ZNF652: variants seen among roughly 807,000 people sequenced by gnomAD.
ZNF652 encodes the protein zinc finger protein 652.
ZNF652 carries 16 observed loss-of-function variants against 45.2 expected under a neutral mutation model. The observed-to-expected ratio is 0.35, with a 90% CI of 0.24 to 0.54. The LOEUF is 0.54. Ranked by LOEUF, ZNF652 falls within the 20% of genes least tolerant of loss-of-function variation. ZNF652 has a pLI of 0.91. For synonymous variants in ZNF652, 250 were observed against 260.6 expected (o/e 0.96, Z 0.39); for missense variants, 614 against 765.6 (o/e 0.80, Z 2.34).
Position 49,312,550 on chromosome 17 carries a change from G to T in ZNF652, c.1048+148C>A, listed in dbSNP as rs769409954. ...GTGGAAGACTATACCATCCAATTTGGTGATACTTACTGAAGACATAATGCA... is the reference window on the plus strand; with the variant it reads ...GTGGAAGACTATACCATCCAATTTGTTGATACTTACTGAAGACATAATGCA... On this transcript the variant is annotated intron_variant, in intron 3 of 5. Coordinates refer to ENST00000430262, the MANE Select transcript of ZNF652 (RefSeq NM_001145365.3). 7.1e-5 allele frequency: 55 copies of T among 771,072 alleles called. No individual in the cohort carries two copies. In the Middle Eastern group the frequency reaches 1.2e-3, roughly 16 times the overall value. The allele number at this position is 771,072 out of a possible 1,614,324, so 47.8% of individuals were successfully genotyped here. A position where few individuals can be genotyped will look rare whatever the true frequency, so the allele number is the denominator to read the frequency against.
chr17:49,312,911 G>T, intron 2 of ZNF652, 66 bp from the exon 3 acceptor site: 1 of 1,515,840 alleles, frequency 6.6e-7, no homozygotes, highest in South Asian at 1.2e-5. Flanking sequence ...CCTACTGGCA[G>T]ACCAAACGGA....
rs1428335027 is a variant in ZNF652, at chr17:49,293,945, G to A, written c.*4468C>T. On this transcript the variant is annotated 3_prime_UTR_variant, in exon 6 of 6. Transcript: ENST00000430262. Reference sequence around the variant, plus strand: ...TTCTATACAGTAGCTCAAACAGAAAGGTTTCTCTAACTTTAGTTTTTTAGT... The same window carrying A: ...TTCTATACAGTAGCTCAAACAGAAAAGTTTCTCTAACTTTAGTTTTTTAGT... Among the ~76,000 whole-genome samples the A allele has an allele frequency of 6.6e-6, 1 of 151,948 alleles. No homozygotes were observed. The highest frequency in any genetic ancestry group is 1.9e-4 in the East Asian group (1 of 5,198).
At position 49,315,042 on chromosome 17, in the gene ZNF652, G is replaced by GTT. The variant is rs11342868; in HGVS notation, c.900+1782_900+1783dup. 2.3e-3 allele frequency among the ~76,000 whole-genome samples: 304 copies of GTT among 134,210 alleles called. 2 individuals are homozygous for GTT. Among genetic ancestry groups the GTT allele is most frequent in the African/African-American group, 7.5e-3 (268 of 35,742 alleles). 88.0% of individuals were successfully genotyped at this position (134,210 alleles called of 152,430 possible). A position where few individuals can be genotyped will look rare whatever the true frequency, so the allele number is the denominator to read the frequency against. On this transcript the variant is annotated intron_variant, in intron 2 of 5. Transcript: ENST00000430262. ...CGGCCTTAGGGGAGGGTTTTAGTTT[G>GTT]TTTTTTTTTTTTTTTTGAGACGGAG...
intron 1 of ZNF652, among the ~76,000 whole-genome samples, chr17:49,351,409 ATTAT>A (rs1391099519): frequency 6.6e-6 from 1 of 152,138 alleles, no homozygotes; most frequent in Non-Finnish European, 1.5e-5. Flanking sequence ...TCATTATAGC[ATTAT>A]TTATTATAAC....
At chr17:49,319,886 A>C (rs1384022107) in intron 1 of ZNF652, among the ~76,000 whole-genome samples, 2 of 152,144 alleles carry the variant, frequency 1.3e-5, no homozygotes, top group Non-Finnish European at 2.9e-5. Flanking sequence ...TTTTTTATCA[A>C]AATAATCATT....
intron 1 of ZNF652, among the ~76,000 whole-genome samples, chr17:49,333,725 A>G: frequency 6.7e-6 from 1 of 148,966 alleles, no homozygotes; most frequent in African/African-American, 2.5e-5. Flanking sequence ...GTCTCAAGAA[A>G]AAAAAAAAAA....
intron 1 of ZNF652, among the ~76,000 whole-genome samples, chr17:49,351,535 T>C (rs976712733): frequency 6.6e-6 from 1 of 151,950 alleles, no homozygotes; most frequent in East Asian, 1.9e-4. Context: ...TTAAAGAACA[T>C]GTGAGGATGG....
chr17:49,338,471 T>A (rs2070109209), intron 1 of ZNF652, among the ~76,000 whole-genome samples: 1 of 152,216 alleles, frequency 6.6e-6, no homozygotes, highest in Non-Finnish European at 1.5e-5. Flanking sequence ...GGGTCCTGAC[T>A]GATGTCACTA....
chr17:49,342,841 C>G (rs2070163957), intron 1 of ZNF652, among the ~76,000 whole-genome samples: 1 of 151,946 alleles, frequency 6.6e-6, no homozygotes, highest in Non-Finnish European at 1.5e-5. Context: ...GCTGGGAAAG[C>G]TGATGGAAGA....
chr17:49,355,125 G>C (rs1422942880), intron 1 of ZNF652, among the ~76,000 whole-genome samples: 1 of 152,124 alleles, frequency 6.6e-6, no homozygotes, highest in African/African-American at 2.4e-5. Context: ...TTCAAAACAA[G>C]ATGAACTATT....
chr17:49,336,630 CTTT>C (rs35620384), intron 1 of ZNF652, among the ~76,000 whole-genome samples: 2 of 141,718 alleles, frequency 1.4e-5, no homozygotes, highest in Non-Finnish European at 1.6e-5. Context: ...CGGCCTTTTA[CTTT>C]TTTTTTTTTT....
intron 1 of ZNF652, among the ~76,000 whole-genome samples, chr17:49,320,969 C>A (rs2069883287): frequency 1.3e-5 from 2 of 152,052 alleles, no homozygotes; most frequent in Non-Finnish European, 2.9e-5. Flanking sequence ...CCTGCCTCAG[C>A]CTCCCAAAGT....
In ZNF652 at chr17:49,312,051, C is replaced by A. The variant is rs1214678651; in HGVS notation, c.1049-9G>T. Reference sequence around the variant, plus strand: ...CATGTCTTTTGTGTGTGCTGCAACACAGAATGTACTTAGTGTCAAAACAAA... The same window carrying A: ...CATGTCTTTTGTGTGTGCTGCAACAAAGAATGTACTTAGTGTCAAAACAAA... On this transcript the variant is annotated splice_polypyrimidine_tract_variant and intron_variant, in intron 3 of 5. Transcript: ENST00000430262. 1 of 1,599,318 alleles carries A rather than the reference C, an allele frequency of 6.3e-7. No homozygotes were observed. Among genetic ancestry groups the A allele is most frequent in the African/African-American group, 1.3e-5 (1 of 74,402 alleles).
At chr17:49,358,173 T>C (rs1042906253) in intron 1 of ZNF652, among the ~76,000 whole-genome samples, 1 of 152,196 alleles carries the variant, frequency 6.6e-6, no homozygotes, top group Non-Finnish European at 1.5e-5. Flanking sequence ...AAGTGACTTG[T>C]TCAATATCAT....
chr17:49,328,407 C>T (rs888473808), intron 1 of ZNF652, among the ~76,000 whole-genome samples: 1 of 152,014 alleles, frequency 6.6e-6, no homozygotes, highest in African/African-American at 2.4e-5. Context: ...ACTTGGAATG[C>T]TGATATGGTT....
chr17:49,302,149 C>T (rs73340402), intron 5 of ZNF652, among the ~76,000 whole-genome samples: 35 of 151,994 alleles, frequency 2.3e-4, no homozygotes, highest in African/African-American at 8.4e-4. Context: ...AGCTACTGAA[C>T]AAGCTGAGGT....
intron 3 of ZNF652, 48 bp from the exon 4 acceptor site, chr17:49,312,090 C>T (rs2069720559): frequency 6.9e-7 from 1 of 1,456,058 alleles, no homozygotes; most frequent in African/African-American, 1.4e-5. Context: ...CACCAAAAAG[C>T]TCAAACTAAA....
At position 49,327,726 on chromosome 17, in the gene ZNF652, AATAAATATATATATATATATATAT is replaced by A. The variant is rs1407553278; in HGVS notation, c.-258-9767_-258-9744del. Among the ~76,000 whole-genome samples, 602 of 75,902 alleles carry A rather than the reference AATAAATATATATATATATATATAT, an allele frequency of 7.9e-3. 19 individuals are homozygous for A. Among genetic ancestry groups the A allele is most frequent in the South Asian group, 0.013 (21 of 1,674 alleles). The allele number at this position is 75,902 out of a possible 152,430, so 49.8% of individuals were successfully genotyped here. A position where few individuals can be genotyped will look rare whatever the true frequency, so the allele number is the denominator to read the frequency against. ...GAGACCTCGTGTCTACTTTTAAATA[AATAAATATATATATATATATATAT>A]ATATATATATATATATATATATATA... On this transcript the variant is annotated intron_variant, in intron 1 of 5. Coordinates refer to ENST00000430262, the MANE Select transcript of ZNF652 (RefSeq NM_001145365.3).
At chr17:49,342,296 C>A (rs1227914591) in intron 1 of ZNF652, among the ~76,000 whole-genome samples, 2 of 151,832 alleles carry the variant, frequency 1.3e-5, no homozygotes, top group African/African-American at 2.4e-5. Context: ...GTACAAGAAC[C>A]ACATAAGAAA....
Sources: allele counts gnomAD v4.1 joint callset (sites outside exome capture counted in the v4.1 genomes callset), GRCh38; gene constraint gnomAD v4.1.1; transcripts MANE v1.5; gene names NCBI Gene and HGNC (gene_info 2026-07-23, HGNC 2026-07-21).